OSBPL10: variants seen among roughly 807,000 people sequenced by gnomAD.
OSBPL10 encodes oxysterol binding protein like 10, also known as oxysterol-binding protein-related protein 10.
Under a neutral mutation model 81.7 loss-of-function variants are expected in OSBPL10, and 49 were observed. That is an observed-to-expected ratio of 0.60 (90% CI 0.48 to 0.76). The LOEUF (loss-of-function observed/expected upper bound fraction) is 0.76. OSBPL10 is among the 30% of genes least tolerant of loss of function. OSBPL10 has a pLI of 0.00. For synonymous variants in OSBPL10, 419 were observed against 383.6 expected, an observed-to-expected ratio of 1.09 and a Z score of -1.08; for missense variants, 923 against 987.8, an observed-to-expected ratio of 0.93 and a Z score of 0.88.
At chr3:32,074,280 T>C (rs1217681403) in intron 1 of OSBPL10, among the ~76,000 whole-genome samples, 1 of 152,080 alleles carries the variant, frequency 6.6e-6, no homozygotes, top group African/African-American at 2.4e-5. Context: ...GGCACCTTTC[T>C]CCTTATGTCA....
At chr3:31,746,215 C>T (rs1176883379) in intron 5 of OSBPL10, among the ~76,000 whole-genome samples, 1 of 152,108 alleles carries the variant, frequency 6.6e-6, no homozygotes, top group East Asian at 1.9e-4. Flanking sequence ...AGAAATACTC[C>T]TGGTGTGTAT....
intron 1 of OSBPL10, among the ~76,000 whole-genome samples, chr3:31,914,605 C>T (rs865925780): frequency 6.6e-6 from 1 of 152,086 alleles, no homozygotes; most frequent in African/African-American, 2.4e-5. Context: ...ATTATTTGAG[C>T]CCGAGACTCT....
intron 4 of OSBPL10, among the ~76,000 whole-genome samples, chr3:31,827,125 C>T (rs1272322419): frequency 6.6e-6 from 1 of 151,916 alleles, no homozygotes; most frequent in Non-Finnish European, 1.5e-5. Context: ...GTTGCCCAGG[C>T]TGGTTTTGAA....
chr3:31,819,678 G>A lies in OSBPL10; in HGVS notation c.729+10362C>T, dbSNP rs138548834. On this transcript the variant is annotated intron_variant, in intron 4 of 11. Transcript: ENST00000396556. Reference sequence around the variant, plus strand: ...ATTGGCACCTGGTATGATAGTTGGCGGTCAAATTCCCTGGGCCAGAATCAA... The same window carrying A: ...ATTGGCACCTGGTATGATAGTTGGCAGTCAAATTCCCTGGGCCAGAATCAA... 3.0e-3 allele frequency among the ~76,000 whole-genome samples: 463 copies of A among 152,292 alleles called. 3 individuals are homozygous for A. Among genetic ancestry groups the A allele is most frequent in the Non-Finnish European group, 4.8e-3 (328 of 68,022 alleles).
intron 2 of OSBPL10, among the ~76,000 whole-genome samples, chr3:31,997,837 G>T (rs1699106533): frequency 1.3e-5 from 2 of 152,056 alleles, no homozygotes; most frequent in East Asian, 1.9e-4. Context: ...GCAGGAGTGG[G>T]AGTGCATTGG....
chr3:31,931,209 T>C (rs763300032), intron 1 of OSBPL10, among the ~76,000 whole-genome samples: 1 of 151,932 alleles, frequency 6.6e-6, no homozygotes, highest in African/African-American at 2.4e-5. Context: ...TTGAAAACCA[T>C]GTGAACGTAA....
At chr3:32,034,535 CCAAT>C (rs1699500991) in intron 2 of OSBPL10, among the ~76,000 whole-genome samples, 1 of 151,902 alleles carries the variant, frequency 6.6e-6, no homozygotes, top group Non-Finnish European at 1.5e-5. Flanking sequence ...TAATTAGAGT[CCAAT>C]CAATCACAGG....
At chr3:31,797,921 T>C (rs1265710272) in intron 4 of OSBPL10, 1 of 390,020 alleles carries the variant, frequency 2.6e-6, no homozygotes, top group African/African-American at 2.1e-5. Context: ...TGGAACCCAC[T>C]ACATTTACAG....
At chr3:31,727,213 A>G (rs903847084) in intron 6 of OSBPL10, among the ~76,000 whole-genome samples, 91 of 152,194 alleles carry the variant, frequency 6.0e-4, no homozygotes, top group African/African-American at 1.9e-3. Context: ...AATATAGGAG[A>G]TAGTGTAGTA....
intron 1 of OSBPL10, among the ~76,000 whole-genome samples, chr3:31,883,145 T>A (rs1173679595): frequency 6.6e-6 from 1 of 152,050 alleles, no homozygotes; most frequent in Admixed American, 6.6e-5. Flanking sequence ...GGAAGGAGAC[T>A]AGGTAGGCTC....
intron 4 of OSBPL10, among the ~76,000 whole-genome samples, chr3:31,812,308 A>C (rs377474432): frequency 1.3e-5 from 2 of 152,248 alleles, no homozygotes; most frequent in African/African-American, 4.8e-5. Flanking sequence ...CTGGGATTAC[A>C]GGCGTAAGCC....
At chr3:31,745,753 T>C (rs1314305517) in intron 5 of OSBPL10, among the ~76,000 whole-genome samples, 2 of 152,194 alleles carry the variant, frequency 1.3e-5, no homozygotes, top group African/African-American at 4.8e-5. Flanking sequence ...ATACCTACTT[T>C]GTAAAGATTT....
chr3:32,074,968 A>G (rs1823617), intron 1 of OSBPL10, among the ~76,000 whole-genome samples: 96,358 of 152,116 alleles, frequency 0.63, 33,969 homozygotes, highest in East Asian at 0.81. Context: ...CAGTTTGCAG[A>G]TGGGAATGAA....
At chr3:31,982,650 T>TAAAA (rs34935064), upstream of OSBPL10, among the ~76,000 whole-genome samples, 10,163 of 146,906 alleles carry the variant, frequency 0.069, 549 homozygotes, top group East Asian at 0.32. Flanking sequence ...TACATAGTGT[T>TAAAA]AAAAAAAAAA....
intron 1 of OSBPL10, among the ~76,000 whole-genome samples, chr3:31,910,927 G>T (rs564994394): frequency 6.6e-6 from 1 of 152,110 alleles, no homozygotes; most frequent in African/African-American, 2.4e-5. Context: ...AACCCAGCAG[G>T]CTGTCTTCTC....
At chr3:31,915,962 G>A (rs562626832) in intron 1 of OSBPL10, among the ~76,000 whole-genome samples, 31 of 151,936 alleles carry the variant, frequency 2.0e-4, no homozygotes, top group African/African-American at 6.0e-4. Context: ...CAGGTGTGGT[G>A]GTGGGAGCCT....
At chr3:32,026,073 A>ATT (rs1699408453) in intron 2 of OSBPL10, among the ~76,000 whole-genome samples, 1 of 102,502 alleles carries the variant, frequency 9.8e-6, no homozygotes, top group Non-Finnish European at 2.2e-5. Flanking sequence ...ATAGATAGAT[A>ATT]GATAGATAGA....
chr3:31,926,216 T>C (rs1387785406), intron 1 of OSBPL10, among the ~76,000 whole-genome samples: 1 of 149,858 alleles, frequency 6.7e-6, no homozygotes, highest in Non-Finnish European at 1.5e-5. Flanking sequence ...TATAATAACA[T>C]AAACAGTCAA....
chr3:32,021,335 A>C lies in OSBPL10; in HGVS notation n.298+25156T>G, dbSNP rs77702362. Among the ~76,000 whole-genome samples, 904 of 152,352 alleles carry C rather than the reference A, an allele frequency of 5.9e-3. 42 individuals are homozygous for C. In the East Asian group the frequency reaches 0.13, roughly 22 times the overall value. On this transcript the variant is annotated intron_variant and non_coding_transcript_variant, in intron 2 of 3. Transcript: ENST00000479173. ...ACAGGCTCAAATAAAGTTCAACGTC[A>C]TGAGGACAGATGTTATCATTTCTCT...
Sources: gnomAD v4.1 joint callset for allele counts (sites outside exome capture counted in the v4.1 genomes callset) on GRCh38, gnomAD v4.1.1 for gene constraint, MANE v1.5 for transcripts, NCBI Gene and HGNC (gene_info 2026-07-23, HGNC 2026-07-21) for gene names.